Variants in SLC8A1 observed in about 807,000 individuals in gnomAD.
SLC8A1 encodes solute carrier family 8 member A1.
A neutral mutation model predicts 68.3 loss-of-function variants in SLC8A1; 18 were observed. The ratio of observed to expected loss-of-function variants is 0.26; its 90% CI spans 0.18 to 0.39. The LOEUF (loss-of-function observed/expected upper bound fraction) is 0.39, where lower values mean the gene tolerates loss of function less well. Ranked by LOEUF, SLC8A1 falls within the 10% of genes least tolerant of loss-of-function variation. SLC8A1 has a pLI of 1.00. For missense variants in SLC8A1, 985 were observed against 1,156.7 expected (o/e 0.85, Z 2.15); for synonymous variants, 475 against 415.5 (o/e 1.14, Z -1.74).
At chr2:40,302,503 G>A (rs534526670) in intron 2 of SLC8A1, among the ~76,000 whole-genome samples, 16 of 149,250 alleles carry the variant, frequency 1.1e-4, no homozygotes, top group East Asian at 7.8e-4. Context: ...TATCATATAT[G>A]TGTGTGTATA....
intron 2 of SLC8A1, among the ~76,000 whole-genome samples, chr2:40,272,467 T>C (rs978396018): frequency 1.3e-5 from 2 of 152,164 alleles, no homozygotes; most frequent in Non-Finnish European, 2.9e-5. Context: ...GAAAGCCCCT[T>C]AGAGTAATAA....
At chr2:40,197,104 C>T (rs1033604748) in intron 2 of SLC8A1, among the ~76,000 whole-genome samples, 1 of 152,052 alleles carries the variant, frequency 6.6e-6, no homozygotes, top group Non-Finnish European at 1.5e-5. Context: ...AAGCCTGTTA[C>T]TTGTTACTGT....
At chr2:40,364,662 T>C (rs1185880783) in intron 2 of SLC8A1, among the ~76,000 whole-genome samples, 2 of 152,058 alleles carry the variant, frequency 1.3e-5, no homozygotes, top group Non-Finnish European at 2.9e-5. Flanking sequence ...TACTACTATA[T>C]CCATCCATTT....
chr2:40,212,468 A>G (rs2056785684), intron 2 of SLC8A1, among the ~76,000 whole-genome samples: 1 of 151,966 alleles, frequency 6.6e-6, no homozygotes, highest in Non-Finnish European at 1.5e-5. Flanking sequence ...TATTTTTAGT[A>G]GAGACGGGGC....
intron 2 of SLC8A1, among the ~76,000 whole-genome samples, chr2:40,320,855 C>G (rs1393810384): frequency 6.6e-6 from 1 of 152,122 alleles, no homozygotes; most frequent in African/African-American, 2.4e-5. Flanking sequence ...CTTGTAGCCT[C>G]AGAACACTCT....
At chr2:40,181,894 A>G (rs531637052) in intron 2 of SLC8A1, among the ~76,000 whole-genome samples, 1 of 152,342 alleles carries the variant, frequency 6.6e-6, no homozygotes, top group Admixed American at 6.5e-5. Flanking sequence ...TTCTTCCTTC[A>G]CAGGGGATAG....
chr2:40,154,586 C>G (rs2044111616), intron 6 of SLC8A1, among the ~76,000 whole-genome samples: 1 of 150,456 alleles, frequency 6.6e-6, no homozygotes, highest in Non-Finnish European at 1.5e-5. Context: ...CTCAGACTCC[C>G]AAAGTATTGG....
intron 7 of SLC8A1, among the ~76,000 whole-genome samples, chr2:40,121,615 C>A (rs1012045386): frequency 6.6e-6 from 1 of 152,040 alleles, no homozygotes; most frequent in Non-Finnish European, 1.5e-5. Flanking sequence ...GCTCTGTTTG[C>A]CAGGTTGGAA....
chr2:40,249,427 C>T (rs1240832153), intron 2 of SLC8A1, among the ~76,000 whole-genome samples: 1 of 152,126 alleles, frequency 6.6e-6, no homozygotes, highest in Non-Finnish European at 1.5e-5. Context: ...AAAATTTAGT[C>T]TCTGTACTTT....
intron 4 of SLC8A1, 29 bp from the exon 6 acceptor site, chr2:40,174,749 A>T (rs777022544): frequency 3.3e-5 from 52 of 1,570,080 alleles, no homozygotes; most frequent in African/African-American, 5.5e-5. Context: ...AAAATGAGAA[A>T]TTTTTTTTAA....
chr2:40,331,747 C>T (rs2076435936), intron 2 of SLC8A1, among the ~76,000 whole-genome samples: 1 of 152,000 alleles, frequency 6.6e-6, no homozygotes, highest in Non-Finnish European at 1.5e-5. Flanking sequence ...GCGGCCACCA[C>T]TGTGCCCATC....
intron 1 of SLC8A1, among the ~76,000 whole-genome samples, chr2:40,502,662 A>G (rs1010677295): frequency 6.6e-5 from 10 of 152,068 alleles, no homozygotes; most frequent in Admixed American, 2.6e-4. Flanking sequence ...GACTTTGAAT[A>G]ATAAACACAT....
At chr2:40,241,887 C>A (rs970469002) in intron 2 of SLC8A1, among the ~76,000 whole-genome samples, 3 of 145,176 alleles carry the variant, frequency 2.1e-5, no homozygotes, top group African/African-American at 7.4e-5. Flanking sequence ...CAGTTTTTTT[C>A]TTATTCTAAA....
chr2:40,458,390 G>C (rs185864141), intron 1 of SLC8A1, among the ~76,000 whole-genome samples: 3 of 152,122 alleles, frequency 2.0e-5, no homozygotes, highest in East Asian at 3.9e-4. Flanking sequence ...TTATTCCTCA[G>C]CATCTAGAGC....
intron 6 of SLC8A1, among the ~76,000 whole-genome samples, chr2:40,148,143 A>C (rs759229998): frequency 6.6e-6 from 1 of 152,242 alleles, no homozygotes; most frequent in East Asian, 1.9e-4. Flanking sequence ...TCTCCTCCTT[A>C]AATTAACTCT....
intron 2 of SLC8A1, chr2:40,254,280 G>A (rs769320969): frequency 3.3e-5 from 5 of 151,114 alleles, no homozygotes; most frequent in Admixed American, 2.0e-4. Flanking sequence ...TTACATTAAC[G>A]GTCAAAATGA....
chr2:40,445,450 GAAAA>G (rs1701273819), intron 1 of SLC8A1, among the ~76,000 whole-genome samples: 5 of 150,154 alleles, frequency 3.3e-5, no homozygotes, highest in African/African-American at 1.3e-4. Flanking sequence ...CACAGGGAAA[GAAAA>G]AGAAAAAGAA....
chr2:40,316,526 G>T (rs2074469790), intron 2 of SLC8A1, among the ~76,000 whole-genome samples: 1 of 151,836 alleles, frequency 6.6e-6, no homozygotes, highest in South Asian at 2.1e-4. Context: ...AGGAACATGT[G>T]TTCTTTGTTT....
chr2:40,208,250 C>G (rs1451363612), intron 2 of SLC8A1: 1 of 152,128 alleles, frequency 6.6e-6, no homozygotes, highest in Admixed American at 6.6e-5. Context: ...CTTTCTAGTT[C>G]CAGCTCTCTT....
Sources: gnomAD v4.1 joint callset for allele counts (sites outside exome capture counted in the v4.1 genomes callset) on GRCh38, gnomAD v4.1.1 for gene constraint, MANE v1.5 for transcripts, NCBI Gene and HGNC (gene_info 2026-07-23, HGNC 2026-07-21) for gene names.